Variants in POLRMT observed in about 807,000 individuals in gnomAD.
POLRMT encodes the protein DNA-directed RNA polymerase, mitochondrial.
A neutral mutation model predicts 132.2 loss-of-function variants in POLRMT; 114 were observed. The ratio of observed to expected loss-of-function variants is 0.86; its 90% CI spans 0.74 to 1.01. The LOEUF (loss-of-function observed/expected upper bound fraction) is 1.01. Ranked by LOEUF, POLRMT falls within the 50% of genes least tolerant of loss-of-function variation. The pLI is 0.00. For synonymous variants in POLRMT, 1,020 were observed against 773.4 expected, an observed-to-expected ratio of 1.32 and a Z score of -5.29; for missense variants, 2,003 against 1,729.1, an observed-to-expected ratio of 1.16 and a Z score of -2.81.
intron 3 of POLRMT, 102 bp from the exon 4 acceptor site, chr19:625,356 G>C: frequency 6.7e-7 from 1 of 1,502,564 alleles, no homozygotes; most frequent in Non-Finnish European, 9.1e-7. Flanking sequence ...GCTCAGCAGG[G>C]GACAGGGTCA....
chr19:624,245 T>C (rs995052453), intron 5 of POLRMT, among the ~76,000 whole-genome samples: 53 of 152,184 alleles, frequency 3.5e-4, no homozygotes, highest in Middle Eastern at 3.4e-3. Context: ...CCCATTTCTA[T>C]GGAATGTCCA....
In POLRMT at chr19:621,587, T is replaced by C. The variant is rs753180679; in HGVS notation, c.2111A>G (p.Asn704Ser). ...GCGCCCGTTGACGCGCCAGGCGCAGTTGCCCAGTTGGGTGAGGGCGTCCAG... is the reference window on the plus strand; with the variant it reads ...GCGCCCGTTGACGCGCCAGGCGCAGCTGCCCAGTTGGGTGAGGGCGTCCAG... ...GALDALTQLG[N>S]CAWRVNGRVL... The change falls in exon 10 of 21, where the codon AAC becomes AGC. Residue 704 changes from asparagine (N) to serine (S), a missense_variant. Coordinates refer to ENST00000588649, the MANE Select transcript of POLRMT (RefSeq NM_005035.4). 6.7e-6 allele frequency: 10 copies of C among 1,482,962 alleles called. No individual in the cohort carries two copies. Among genetic ancestry groups the C allele is most frequent in the East Asian group, 2.5e-5 (1 of 39,450 alleles). 91.9% of individuals were successfully genotyped at this position (1,482,962 alleles called of 1,614,324 possible). A position where few individuals can be genotyped will look rare whatever the true frequency, so the allele number is the denominator to read the frequency against.
At chr19:623,418 C>G (rs542661985) in intron 6 of POLRMT, 36 bp downstream of exon 6, 2 of 1,605,000 alleles carry the variant, frequency 1.2e-6, no homozygotes, top group Admixed American at 1.7e-5. Context: ...CGGCTCAGCC[C>G]CTGCGGCGGA....
intron 13 of POLRMT, 116 bp from the exon 14 acceptor site, chr19:619,412 G>A (rs1984317442): frequency 1.5e-6 from 2 of 1,373,472 alleles, no homozygotes; most frequent in Non-Finnish European, 2.0e-6. Context: ...GGGGGCAGGG[G>A]AATGGGGCCT....
intron 15 of POLRMT, 110 bp downstream of exon 15, chr19:618,887 C>T: frequency 2.2e-6 from 3 of 1,364,402 alleles, no homozygotes; most frequent in African/African-American, 1.4e-5. Context: ...TGGGGTGGCA[C>T]ACTGGGGCGG....
rs145961388 is a variant in POLRMT, at chr19:622,694, C to G, written c.1514G>C (p.Ser505Thr). ...ESFTTLAREL[S>T]ARTFSRHVVQ... ...CACGTGCCGGCTGAAAGTGCGCGCA[C>G]TCAGCTCCCGGGCCAGGGTGGTGAA... is the stretch of plus-strand genomic sequence containing the variant. The change falls in exon 8 of 21, where the codon AGT (serine) becomes ACT (threonine). Residue 505 changes from serine (S) to threonine (T), a missense_variant. Physicochemically the swap from Ser to Thr is moderately conservative, Grantham distance 58. Coordinates refer to ENST00000588649, the MANE Select transcript of POLRMT (RefSeq NM_005035.4). The G allele has an allele frequency of 3.7e-6, 6 of 1,604,578 alleles. No individual in the cohort carries two copies. The African/African-American group carries it at 8.0e-5, about 21-fold the overall frequency.
In POLRMT at chr19:619,608, C is replaced by G; in HGVS notation, c.3044G>C (p.Arg1015Pro). 1 of 1,611,108 alleles carries G rather than the reference C, an allele frequency of 6.2e-7. No individual in the cohort carries two copies. Among genetic ancestry groups the G allele is most frequent in the Non-Finnish European group, 8.5e-7 (1 of 1,179,652 alleles). Residue 1015 changes from arginine to proline, a missense_variant, in exon 13 of 21, where the codon CGG becomes CCG. Coordinates refer to ENST00000588649, the MANE Select transcript of POLRMT (RefSeq NM_005035.4). The part of the protein sequence containing the change: ...GGRLQIEKRL[R>P]ELSDFPQEFV... ...CACCTGGGGAAAGTCGCTCAGCTCCCGGAGGCGCTTCTCAATCTGCAGGCG... is the reference window on the plus strand; with the variant it reads ...CACCTGGGGAAAGTCGCTCAGCTCCGGGAGGCGCTTCTCAATCTGCAGGCG...
rs200224860 is a variant in POLRMT, at chr19:617,813, G to A, written c.3459C>T (p.Tyr1153=). 77 of 1,613,242 alleles carry A rather than the reference G, an allele frequency of 4.8e-5. No homozygotes were observed. Among genetic ancestry groups the A allele is most frequent in the Non-Finnish European group, 6.4e-5 (75 of 1,179,934 alleles). ...GLTFVSVHDC[Y]WTHAADVSVM... ...CGGAGACATCAGCTGCGTGAGTCCA[G>A]TAACAGTCGTGCACAGAGACGAAGG... Residue 1153 remains tyrosine, a synonymous_variant, in exon 18 of 21, where the codon TAC becomes TAT. Coordinates refer to ENST00000588649, the MANE Select transcript of POLRMT (RefSeq NM_005035.4).
rs758674228 is a variant in POLRMT, at chr19:617,341, C to T, written c.3644-18G>A. 5 of 1,612,596 alleles carry T rather than the reference C, an allele frequency of 3.1e-6. No homozygotes were observed. Among genetic ancestry groups the T allele is most frequent in the South Asian group, 2.2e-5 (2 of 91,082 alleles). On this transcript the variant is annotated intron_variant, in intron 20 of 20. Transcript: ENST00000588649. ...GAAGGCCCCTGCGGAGGAAGCAGAGCGGACGGCGTGGGTGGCGGGAAAGCC... is the reference window on the plus strand; with the variant it reads ...GAAGGCCCCTGCGGAGGAAGCAGAGTGGACGGCGTGGGTGGCGGGAAAGCC...
In POLRMT at chr19:619,667, C is replaced by T; in HGVS notation, c.2985G>A (p.Met995Ile). ...ITRKVVKQTV[M>I]TVVYGVTRYG... Reference sequence around the variant, plus strand: ...AGCGCGTGACCCCGTACACCACCGTCATCACCGTCTGCTTCACCACCTTGC... The same window carrying T: ...AGCGCGTGACCCCGTACACCACCGTTATCACCGTCTGCTTCACCACCTTGC... The change falls in exon 13 of 21, where the codon ATG (methionine) becomes ATA (isoleucine). Residue 995 changes from methionine to isoleucine, a missense_variant. Transcript: ENST00000588649. The T allele has an allele frequency of 6.2e-7, 1 of 1,610,704 alleles. No individual in the cohort carries two copies.
At position 619,063 on chromosome 19, in the gene POLRMT, C is replaced by T; in HGVS notation, c.3201G>A (p.Val1067=). The change falls in exon 15 of 21, where the codon GTG becomes GTA. Residue 1067 remains valine, a synonymous_variant. Transcript: ENST00000588649. ...SARLISHMGS[V]VEWVTPLGVP... The stretch of plus-strand genomic sequence containing the variant: ...CGCCCAGGGGTGTGACCCACTCCAC[C>T]ACAGAGCCCATGTGGGAGATGAGGC... 1 of 1,609,826 alleles carries T rather than the reference C, an allele frequency of 6.2e-7. No individual in the cohort carries two copies. Among genetic ancestry groups the T allele is most frequent in the Non-Finnish European group, 8.5e-7 (1 of 1,178,614 alleles).
At chr19:619,393 G>T in intron 13 of POLRMT, 97 bp from the exon 14 acceptor site, 2 of 1,442,238 alleles carry the variant, frequency 1.4e-6, no homozygotes, top group Non-Finnish European at 1.9e-6. Flanking sequence ...AAGGCCTAGG[G>T]CCTAGCAGGG....
rs59746130 is a variant in POLRMT at position 626,696 on chromosome 19, C to CAAAAAAAAAAAAAAA, written c.823-1457_823-1443dup. Reference sequence around the variant, plus strand: ...GCCTGTGCTCCCTCCACTAAAAATACAAAAAAAAAAAAAAATTAGCTGGGC... The same window carrying CAAAAAAAAAAAAAAA: ...GCCTGTGCTCCCTCCACTAAAAATACAAAAAAAAAAAAAAAAAAAAAAAAAAAAAATTAGCTGGGC... On this transcript the variant is annotated intron_variant, in intron 3 of 20. Transcript: ENST00000588649. 4.9e-4 allele frequency among the ~76,000 whole-genome samples: 51 copies of CAAAAAAAAAAAAAAA among 105,012 alleles called. 2 individuals are homozygous for CAAAAAAAAAAAAAAA. Among genetic ancestry groups the CAAAAAAAAAAAAAAA allele is most frequent in the African/African-American group, 1.9e-3 (45 of 23,130 alleles). 68.9% of individuals were successfully genotyped at this position (105,012 alleles called of 152,430 possible). A position where few individuals can be genotyped will look rare whatever the true frequency, so the allele number is the denominator to read the frequency against.
intron 10 of POLRMT, 38 bp downstream of exon 10, chr19:620,999 CGCCGGGGGAGGGCGCGGGGGT>C (rs769654020): frequency 0.21 from 258,787 of 1,245,596 alleles, 57,324 homozygotes; most frequent in South Asian, 0.44. Context: ...GGCGCGGGGG[CGCCGGGGGAGGGCGCGGGGGT>C]GCCGGGAGGG....
chr19:621,677 A>C lies in POLRMT; in HGVS notation c.2021T>G (p.Val674Gly). 1 of 1,566,454 alleles carries C rather than the reference A, an allele frequency of 6.4e-7. No individual in the cohort carries two copies. The highest frequency in any genetic ancestry group is 8.6e-7 in the Non-Finnish European group (1 of 1,158,976). Residue 674 changes from valine (V) to glycine (G), a missense_variant, in exon 10 of 21, where the codon GTG (valine) becomes GGG (glycine). Transcript: ENST00000588649. ...CTCCTGGTGCTGCGTGGCGCCTTCC[A>C]CCGTGCGCATCAGCTTGGTGGGGCT... is the stretch of plus-strand genomic sequence containing the variant. ...LLSPTKLMRT[V>G]EGATQHQELL...
Position 619,753 on chromosome 19 carries a change from G to C in POLRMT, c.2899C>G (p.Arg967Gly). Residue 967 changes from arginine to glycine, a missense_variant, in exon 13 of 21, where the codon CGT (arginine) becomes GGT (glycine). Coordinates refer to ENST00000588649, the MANE Select transcript of POLRMT (RefSeq NM_005035.4). ...SGVAAQVEVF[R>G]RQDAQRGMRV... ...ATGCCCCGCTGGGCGTCCTGCCTACGGAACACCTCCACCTGCACGGCGGGT... is the reference window on the plus strand; with the variant it reads ...ATGCCCCGCTGGGCGTCCTGCCTACCGAACACCTCCACCTGCACGGCGGGT... The C allele has an allele frequency of 6.3e-7, 1 of 1,582,374 alleles. No homozygotes were observed. Among genetic ancestry groups the C allele is most frequent in the Non-Finnish European group, 8.6e-7 (1 of 1,163,814 alleles).
At position 624,905 on chromosome 19, in the gene POLRMT, C is replaced by T; in HGVS notation, c.954G>A (p.Arg318=). ...CCTCCTGGCTCATCTGTTCCAGACA[C>T]CTGTGGTGCAGGCGGCCTGCTCGAG... ...RQDQDAGTIE[R]CLEQMSQEGL... is the part of the protein sequence containing the mutation. Residue 318 remains arginine (R), a splice_region_variant and synonymous_variant, in exon 5 of 21, where the codon AGG becomes AGA. Coordinates refer to ENST00000588649, the MANE Select transcript of POLRMT (RefSeq NM_005035.4). 1 of 1,604,338 alleles carries T rather than the reference C, an allele frequency of 6.2e-7. No homozygotes were observed. Among genetic ancestry groups the T allele is most frequent in the East Asian group, 2.2e-5 (1 of 44,636 alleles).
At chr19:619,141 G>A (rs201551107) in intron 14 of POLRMT, 31 bp from the exon 15 acceptor site, 5 of 1,610,478 alleles carry the variant, frequency 3.1e-6, no homozygotes, top group Middle Eastern at 1.7e-4. Flanking sequence ...CAGGGCAGGG[G>A]GCTCAGGCCG....
Position 619,599 on chromosome 19 carries a change from C to T in POLRMT, c.3053G>A (p.Ser1018Asn). The T allele has an allele frequency of 6.2e-7, 1 of 1,611,310 alleles. No individual in the cohort carries two copies. The highest frequency in any genetic ancestry group is 8.5e-7 in the Non-Finnish European group (1 of 1,179,642). The change falls in exon 13 of 21, where the codon AGC becomes AAC. Residue 1018 changes from serine (S) to asparagine (N), a missense_variant. Coordinates refer to ENST00000588649, the MANE Select transcript of POLRMT (RefSeq NM_005035.4). ...TGCCTGGCGCACCTGGGGAAAGTCG[C>T]TCAGCTCCCGGAGGCGCTTCTCAAT... The part of the protein sequence containing the change: ...LQIEKRLREL[S>N]DFPQEFVWEA...
Sources: gnomAD v4.1 joint callset for allele counts (sites outside exome capture counted in the v4.1 genomes callset) on GRCh38, gnomAD v4.1.1 for gene constraint, MANE v1.5 for transcripts, NCBI Gene and HGNC (gene_info 2026-07-23, HGNC 2026-07-21) for gene names.